Variants in KCNIP4 observed in about 807,000 individuals in gnomAD.
KCNIP4 encodes the protein Kv channel-interacting protein 4.
Under a neutral mutation model 34.0 loss-of-function variants are expected in KCNIP4, and 12 were observed. The observed-to-expected ratio is 0.35, with a 90% CI of 0.23 to 0.57. KCNIP4 has a LOEUF of 0.57. Among genes scored for constraint, KCNIP4 ranks in the 20% least tolerant of loss-of-function variants. The pLI is 0.83. For synonymous variants in KCNIP4, 124 were observed against 102.2 expected, an observed-to-expected ratio of 1.21 and a Z score of -1.29; for missense variants, 238 against 311.7, an observed-to-expected ratio of 0.76 and a Z score of 1.78.
At chr4:20,919,754 CG>C (rs748961852) in intron 1 of KCNIP4, among the ~76,000 whole-genome samples, 161 of 148,006 alleles carry the variant, frequency 1.1e-3, no homozygotes, top group African/African-American at 3.5e-3. Context: ...TATTGTTTGG[CG>C]GGGGGGAGTC....
intron 1 of KCNIP4, among the ~76,000 whole-genome samples, chr4:21,001,490 C>T (rs1377398483): frequency 6.6e-6 from 1 of 152,120 alleles, no homozygotes; most frequent in Non-Finnish European, 1.5e-5. Flanking sequence ...GCTGAATTGC[C>T]CTGCCTAATA....
chr4:20,917,943 A>G (rs1729013996), intron 1 of KCNIP4, among the ~76,000 whole-genome samples: 1 of 152,042 alleles, frequency 6.6e-6, no homozygotes, highest in Non-Finnish European at 1.5e-5. Context: ...ATTGGAGCTA[A>G]TTTTCACATG....
chr4:21,678,095 C>G (rs1750048814), intron 1 of KCNIP4, among the ~76,000 whole-genome samples: 1 of 152,108 alleles, frequency 6.6e-6, no homozygotes, highest in Non-Finnish European at 1.5e-5. Context: ...GGCCAGAGAA[C>G]TTACTCTGTG....
At chr4:20,990,179 C>T (rs1215996070) in intron 1 of KCNIP4, among the ~76,000 whole-genome samples, 1 of 152,104 alleles carries the variant, frequency 6.6e-6, no homozygotes, top group African/African-American at 2.4e-5. Flanking sequence ...AAGTTATCTA[C>T]CCGCAGGTGC....
chr4:21,322,599 G>T (rs1714617253), intron 1 of KCNIP4, among the ~76,000 whole-genome samples: 1 of 152,070 alleles, frequency 6.6e-6, no homozygotes, highest in South Asian at 2.1e-4. Flanking sequence ...GCTGGCACCG[G>T]CCTTCTAAAG....
intron 1 of KCNIP4, among the ~76,000 whole-genome samples, chr4:21,105,183 G>C (rs199672815): frequency 0.26 from 39,115 of 151,304 alleles, 5,923 homozygotes; most frequent in African/African-American, 0.39. Context: ...AAATTACCTT[G>C]GGCAGTATGG....
At chr4:21,322,473 A>G (rs1194302444) in intron 1 of KCNIP4, among the ~76,000 whole-genome samples, 1 of 152,184 alleles carries the variant, frequency 6.6e-6, no homozygotes, top group Non-Finnish European at 1.5e-5. Context: ...AGTTACTGTA[A>G]TTGAAACTGA....
intron 1 of KCNIP4, among the ~76,000 whole-genome samples, chr4:21,267,323 C>T (rs1409302977): frequency 6.6e-6 from 1 of 151,310 alleles, no homozygotes; most frequent in Non-Finnish European, 1.5e-5. Context: ...TTATGTTTGA[C>T]TAACCTCGGG....
intron 1 of KCNIP4, among the ~76,000 whole-genome samples, chr4:21,458,421 C>CT (rs1196434243): frequency 1.3e-5 from 2 of 151,756 alleles, no homozygotes; most frequent in African/African-American, 4.8e-5. Flanking sequence ...GGTTCCAAGT[C>CT]TTTGCTATTG....
chr4:20,976,166 A>G (rs189149023), intron 1 of KCNIP4, among the ~76,000 whole-genome samples: 1 of 152,280 alleles, frequency 6.6e-6, no homozygotes, highest in East Asian at 1.9e-4. Context: ...ATGGTTCTCA[A>G]AGTTTGGCCC....
chr4:21,202,859 G>T (rs1756586937), intron 1 of KCNIP4, among the ~76,000 whole-genome samples: 1 of 152,076 alleles, frequency 6.6e-6, no homozygotes, highest in Non-Finnish European at 1.5e-5. Flanking sequence ...GGGCTACTAG[G>T]CCCACGCCTC....
At chr4:21,666,559 T>G (rs1041865457) in intron 1 of KCNIP4, among the ~76,000 whole-genome samples, 2 of 152,248 alleles carry the variant, frequency 1.3e-5, no homozygotes, top group Non-Finnish European at 2.9e-5. Flanking sequence ...AAAGTTAATA[T>G]TCTTCTGAAA....
rs1175610389 is a variant in KCNIP4, at chr4:20,831,223, T to C, written c.288+19320A>G. On this transcript the variant is annotated intron_variant, in intron 3 of 8. Coordinates refer to ENST00000382152, the MANE Select transcript of KCNIP4 (RefSeq NM_025221.6). ...TCATCTGTTTACATTTCATTTATTT[T>C]AGACCCCACACCAATACTGTGAAGT... Among the ~76,000 whole-genome samples, 7 of 152,216 alleles carry C rather than the reference T, an allele frequency of 4.6e-5. No homozygotes were observed. The East Asian group carries it at 1.3e-3, about 29-fold the overall frequency.
chr4:21,574,097 C>G (rs1484966946), intron 1 of KCNIP4, among the ~76,000 whole-genome samples: 1 of 152,060 alleles, frequency 6.6e-6, no homozygotes, highest in African/African-American at 2.4e-5. Flanking sequence ...AAAATTCTAA[C>G]GACTGTAACA....
rs947150852 is a variant in KCNIP4, at chr4:21,280,898, G to A, written c.62-398189C>T. 2.0e-5 allele frequency among the ~76,000 whole-genome samples: 3 copies of A among 152,122 alleles called. 1 individual carries two copies. The highest frequency in any genetic ancestry group is 1.5e-5 in the Non-Finnish European group (1 of 68,030). On this transcript the variant is annotated intron_variant, in intron 1 of 8. Transcript: ENST00000382152. ...GGTTTCTTGCGTAGCAGAGACTCAA[G>A]TGTGAGTTGGAGATGTGAATGCTCC...
intron 1 of KCNIP4, among the ~76,000 whole-genome samples, chr4:20,966,149 G>A (rs1057240550): frequency 1.4e-4 from 22 of 152,184 alleles, no homozygotes; most frequent in African/African-American, 5.3e-4. Flanking sequence ...GGATTTGGAT[G>A]TTTGTTCAGG....
intron 3 of KCNIP4, among the ~76,000 whole-genome samples, chr4:20,804,007 T>A (rs1020945748): frequency 6.6e-6 from 1 of 152,142 alleles, no homozygotes; most frequent in Non-Finnish European, 1.5e-5. Flanking sequence ...CCCAAAGTAG[T>A]TGTGATGATC....
chr4:21,141,794 T>C (rs931817696), intron 1 of KCNIP4, among the ~76,000 whole-genome samples: 5 of 151,640 alleles, frequency 3.3e-5, no homozygotes, highest in Admixed American at 2.0e-4. Flanking sequence ...TTACAAAAGG[T>C]AATGAGGTCA....
intron 1 of KCNIP4, among the ~76,000 whole-genome samples, chr4:21,708,684 G>A (rs956596481): frequency 1.4e-4 from 22 of 152,036 alleles, no homozygotes; most frequent in African/African-American, 5.3e-4. Flanking sequence ...TCACAAGTGA[G>A]TCAAGGAAGC....
Sources: gnomAD v4.1 joint callset for allele counts (sites outside exome capture counted in the v4.1 genomes callset) on GRCh38, gnomAD v4.1.1 for gene constraint, MANE v1.5 for transcripts, NCBI Gene and HGNC (gene_info 2026-07-23, HGNC 2026-07-21) for gene names.